CHST9: variants seen among roughly 807,000 people sequenced by gnomAD.
CHST9 encodes carbohydrate sulfotransferase 9.
In CHST9, 41 loss-of-function variants were observed where a neutral mutation model predicts 44.4. The ratio of observed to expected loss-of-function variants is 0.92; its 90% CI spans 0.72 to 1.20. CHST9 has a LOEUF of 1.20. Among genes scored for constraint, CHST9 ranks in the 50% most tolerant of loss-of-function variants. CHST9 has a pLI of 0.00. For synonymous variants in CHST9, 171 were observed against 178.4 expected, an observed-to-expected ratio of 0.96 and a Z score of 0.33; for missense variants, 504 against 516.5, an observed-to-expected ratio of 0.98 and a Z score of 0.23.
At chr18:27,090,090 C>T (rs57013731) in intron 2 of CHST9, among the ~76,000 whole-genome samples, 10,386 of 152,156 alleles carry the variant, frequency 0.068, 442 homozygotes, top group East Asian at 0.14. Flanking sequence ...GGATTACAGG[C>T]GTGAGCCACC....
intron 1 of CHST9, among the ~76,000 whole-genome samples, chr18:27,178,611 A>G (rs2058886601): frequency 6.6e-6 from 1 of 151,992 alleles, no homozygotes; most frequent in Non-Finnish European, 1.5e-5. Flanking sequence ...TGTATATATG[A>G]GTAATCTTCA....
chr18:26,952,236 C>G (rs892381105), intron 4 of CHST9: 1 of 527,316 alleles, frequency 1.9e-6, no homozygotes. Flanking sequence ...CCCCGGACTT[C>G]TGGCATCATC....
At position 27,160,321 on chromosome 18, in the gene CHST9, A is replaced by T. The variant is rs143790644; in HGVS notation, c.-96-17416T>A. 5.8e-3 allele frequency among the ~76,000 whole-genome samples: 885 copies of T among 152,170 alleles called. 13 individuals are homozygous for T. The highest frequency in any genetic ancestry group is 0.02 in the African/African-American group (839 of 41,518). Reference sequence around the variant, plus strand: ...TTTATTGAGAGTTTTTAGCATGAAGAGTTGTTGAATTTTGTCGAAGGCCTT... The same window carrying T: ...TTTATTGAGAGTTTTTAGCATGAAGTGTTGTTGAATTTTGTCGAAGGCCTT... On this transcript the variant is annotated intron_variant, in intron 1 of 5. Coordinates refer to ENST00000618847, the MANE Select transcript of CHST9 (RefSeq NM_031422.6).
chr18:27,170,388 C>A (rs758814990), intron 1 of CHST9, among the ~76,000 whole-genome samples: 1 of 152,138 alleles, frequency 6.6e-6, no homozygotes, highest in Non-Finnish European at 1.5e-5. Flanking sequence ...TTGATCCTCA[C>A]GGAATTGTGT....
At chr18:27,167,724 C>G (rs1477419839) in intron 1 of CHST9, among the ~76,000 whole-genome samples, 1 of 152,088 alleles carries the variant, frequency 6.6e-6, no homozygotes, top group African/African-American at 2.4e-5. Context: ...GGGTAAAGGG[C>G]ACAGGAGACC....
At chr18:26,952,433 C>T (rs540718454) in intron 4 of CHST9, 161 of 421,978 alleles carry the variant, frequency 3.8e-4, no homozygotes, top group African/African-American at 2.0e-3. Context: ...TAGTTTTTAC[C>T]GGAGGGAAAT....
chr18:27,023,111 G>T (rs1598647428), intron 4 of CHST9, among the ~76,000 whole-genome samples: 1 of 152,050 alleles, frequency 6.6e-6, no homozygotes, highest in East Asian at 1.9e-4. Context: ...TGACTTGCTT[G>T]CTTTGCAAAA....
At chr18:26,976,185 A>T (rs371728565) in intron 4 of CHST9, among the ~76,000 whole-genome samples, 1 of 152,082 alleles carries the variant, frequency 6.6e-6, no homozygotes, top group Non-Finnish European at 1.5e-5. Context: ...ATTCTGGTGC[A>T]TTCTTAGGAC....
At chr18:27,153,403 C>T (rs1299699591) in intron 1 of CHST9, among the ~76,000 whole-genome samples, 1 of 152,054 alleles carries the variant, frequency 6.6e-6, no homozygotes, top group Admixed American at 6.6e-5. Context: ...TCCTCCTTGC[C>T]TCTTTAGGTT....
intron 2 of CHST9, among the ~76,000 whole-genome samples, chr18:27,115,812 CCTGT>C (rs1386894590): frequency 2.0e-5 from 3 of 152,140 alleles, no homozygotes; most frequent in Non-Finnish European, 2.9e-5. Context: ...CATGTCCAGC[CCTGT>C]CTTTTTTATT....
intron 5 of CHST9, among the ~76,000 whole-genome samples, chr18:26,926,494 C>G (rs1478847288): frequency 6.6e-6 from 1 of 152,180 alleles, no homozygotes; most frequent in Admixed American, 6.5e-5. Context: ...GGCTACTCCC[C>G]AAGGGGTTCA....
Position 27,113,276 on chromosome 18 carries a change from C to T in CHST9, c.121+29413G>A, listed in dbSNP as rs149248975. On this transcript the variant is annotated intron_variant, in intron 2 of 5. Transcript: ENST00000618847. ...TTCCCAGACTTGGTCTTTTCAGTAA[C>T]AAAAGTAGTTTAAATAATTCATTTT... 2.3e-3 allele frequency among the ~76,000 whole-genome samples: 353 copies of T among 151,846 alleles called. 1 individual carries two copies. The highest frequency in any genetic ancestry group is 7.7e-3 in the African/African-American group (319 of 41,416).
intron 4 of CHST9, among the ~76,000 whole-genome samples, chr18:26,945,387 C>G (rs980588139): frequency 3.9e-5 from 6 of 151,968 alleles, no homozygotes; most frequent in African/African-American, 1.5e-4. Context: ...CAAGTATCTC[C>G]CCTTTTGTCC....
intron 1 of CHST9, among the ~76,000 whole-genome samples, chr18:27,170,770 CGTGTAAAA>C (rs2058827956): frequency 6.6e-6 from 1 of 152,034 alleles, no homozygotes; most frequent in African/African-American, 2.4e-5. Flanking sequence ...CCTGCTAAAT[CGTGTAAAA>C]TCTAGAGGGA....
intron 4 of CHST9, among the ~76,000 whole-genome samples, chr18:27,014,661 G>A (rs2057129153): frequency 6.6e-6 from 1 of 151,572 alleles, no homozygotes; most frequent in Non-Finnish European, 1.5e-5. Context: ...ATTTATATAA[G>A]AAATAAAGTC....
intron 4 of CHST9, among the ~76,000 whole-genome samples, chr18:26,966,869 A>G (rs2056471998): frequency 7.2e-6 from 1 of 138,246 alleles, no homozygotes; most frequent in South Asian, 2.3e-4. Context: ...ATACTTAATT[A>G]TTACTTTCTT....
intron 2 of CHST9, among the ~76,000 whole-genome samples, chr18:27,056,521 A>G: frequency 6.6e-6 from 1 of 152,100 alleles, no homozygotes; most frequent in Non-Finnish European, 1.5e-5. Flanking sequence ...TTTTTCTGGA[A>G]ATGGGAGTAA....
At chr18:27,149,734 T>C (rs749971350) in intron 1 of CHST9, among the ~76,000 whole-genome samples, 14 of 152,080 alleles carry the variant, frequency 9.2e-5, no homozygotes, top group Non-Finnish European at 1.9e-4. Context: ...TAAGCTGTAA[T>C]CTGGGTAAAT....
chr18:27,130,412 C>T (rs879178526), intron 2 of CHST9, among the ~76,000 whole-genome samples: 6 of 152,090 alleles, frequency 3.9e-5, no homozygotes, highest in African/African-American at 9.7e-5. Flanking sequence ...TATATCTTTC[C>T]GCTATAATTC....
Sources: gnomAD v4.1 joint callset for allele counts (sites outside exome capture counted in the v4.1 genomes callset) on GRCh38, gnomAD v4.1.1 for gene constraint, MANE v1.5 for transcripts, NCBI Gene and HGNC (gene_info 2026-07-23, HGNC 2026-07-21) for gene names.